TSPAN5: variants seen among roughly 807,000 people sequenced by gnomAD.
The protein encoded by TSPAN5 is tetraspanin 5, also known as tetraspanin-5.
A neutral mutation model predicts 37.1 loss-of-function variants in TSPAN5; 10 were observed. That is an observed-to-expected ratio of 0.27 (90% CI 0.17 to 0.46). The LOEUF is 0.46. Ranked by LOEUF, TSPAN5 falls within the 20% of genes least tolerant of loss-of-function variation. TSPAN5 has a pLI of 1.00. For synonymous variants in TSPAN5, 110 were observed against 118.9 expected (o/e 0.93, Z 0.48); for missense variants, 195 against 326.6 (o/e 0.60, Z 3.11).
intron 1 of TSPAN5, among the ~76,000 whole-genome samples, chr4:98,532,631 CAG>C (rs1388901764): frequency 6.9e-5 from 10 of 145,138 alleles, no homozygotes; most frequent in African/African-American, 2.6e-4. Context: ...CATCTGAAAA[CAG>C]GGACAATTTG....
intron 1 of TSPAN5, among the ~76,000 whole-genome samples, chr4:98,576,840 A>G (rs1459252775): frequency 4.6e-5 from 7 of 152,038 alleles, no homozygotes; most frequent in African/African-American, 1.7e-4. Context: ...GCTCACTGCA[A>G]CCTCCACCTC....
chr4:98,542,554 C>A (rs1327509593), intron 1 of TSPAN5, among the ~76,000 whole-genome samples: 2 of 151,840 alleles, frequency 1.3e-5, no homozygotes, highest in East Asian at 3.9e-4. Flanking sequence ...CCATTCTCTA[C>A]AAAAAGACTT....
intron 1 of TSPAN5, among the ~76,000 whole-genome samples, chr4:98,531,875 T>C (rs184656999): frequency 1.3e-5 from 2 of 152,382 alleles, no homozygotes; most frequent in East Asian, 3.9e-4. Context: ...GAGAAGTGTC[T>C]GTTCATATCC....
intron 2 of TSPAN5, among the ~76,000 whole-genome samples, chr4:98,493,815 T>C (rs939212109): frequency 6.6e-6 from 1 of 152,118 alleles, no homozygotes; most frequent in African/African-American, 2.4e-5. Context: ...AAAAAACAAA[T>C]TGACCATAAC....
chr4:98,626,888 T>G (rs941606504), intron 1 of TSPAN5, among the ~76,000 whole-genome samples: 168 of 140,684 alleles, frequency 1.2e-3, no homozygotes, highest in African/African-American at 4.7e-3. Context: ...GAGAGCAGGT[T>G]TTTTTTTTTT....
chr4:98,650,989 G>T (rs1239738235), intron 1 of TSPAN5, among the ~76,000 whole-genome samples: 3 of 152,172 alleles, frequency 2.0e-5, no homozygotes, highest in African/African-American at 7.2e-5. Context: ...ATAAATAACA[G>T]ATTGAAAATT....
At position 98,588,521 on chromosome 4, in the gene TSPAN5, T is replaced by A. The variant is rs553717690; in HGVS notation, c.81+69625A>T. On this transcript the variant is annotated intron_variant, in intron 1 of 7. Coordinates refer to ENST00000305798, the MANE Select transcript of TSPAN5 (RefSeq NM_005723.4). ...CATCTTTTGCTTTGAATATATTTAA[T>A]ATAATTTATTCTCTCTTCCCATAGG... 2.0e-5 allele frequency among the ~76,000 whole-genome samples: 3 copies of A among 152,336 alleles called. No individual in the cohort carries two copies. The South Asian group carries it at 6.2e-4, about 32-fold the overall frequency.
intron 1 of TSPAN5, among the ~76,000 whole-genome samples, chr4:98,641,592 T>C (rs1397499758): frequency 2.0e-5 from 3 of 152,194 alleles, no homozygotes; most frequent in Non-Finnish European, 4.4e-5. Flanking sequence ...CAAAACCATT[T>C]AGTGGAACCA....
intron 1 of TSPAN5, among the ~76,000 whole-genome samples, chr4:98,627,942 G>A (rs181058574): frequency 6.6e-6 from 1 of 152,222 alleles, no homozygotes; most frequent in African/African-American, 2.4e-5. Context: ...GAAACTGGAA[G>A]TTACAGGCAA....
At chr4:98,601,579 CAGTT>C (rs1435645302) in intron 1 of TSPAN5, among the ~76,000 whole-genome samples, 9 of 152,182 alleles carry the variant, frequency 5.9e-5, no homozygotes, top group Admixed American at 5.2e-4. Context: ...GAATTGAAGA[CAGTT>C]AGAGCCTTGC....
chr4:98,646,964 C>T (rs971792323), intron 1 of TSPAN5, among the ~76,000 whole-genome samples: 3 of 152,118 alleles, frequency 2.0e-5, no homozygotes, highest in Non-Finnish European at 4.4e-5. Flanking sequence ...TACTACTAAA[C>T]GTGCCATTTT....
chr4:98,489,630 C>T (rs1006477128), intron 2 of TSPAN5, among the ~76,000 whole-genome samples: 5 of 152,224 alleles, frequency 3.3e-5, no homozygotes, highest in African/African-American at 1.2e-4. Context: ...ACTTCCACCC[C>T]TCCGGATCCG....
intron 1 of TSPAN5, among the ~76,000 whole-genome samples, chr4:98,528,414 AT>A (rs10680446): frequency 0.39 from 55,912 of 143,562 alleles, 10,687 homozygotes; most frequent in South Asian, 0.52. Flanking sequence ...GTAACAGATG[AT>A]TTTTTTTTTT....
rs1752580405 is a variant in TSPAN5 at position 98,471,412 on chromosome 4, T to C, written c.*1110A>G. On this transcript the variant is annotated 3_prime_UTR_variant, in exon 8 of 8. Coordinates refer to ENST00000305798, the MANE Select transcript of TSPAN5 (RefSeq NM_005723.4). ...GCATTTGGATGGTACAGCTGGTCTC[T>C]TCCCAGCCAGACTGGGAGGACATGC... 1.3e-5 allele frequency: 2 copies of C among 152,164 alleles called. No homozygotes were observed. Among genetic ancestry groups the C allele is most frequent in the Non-Finnish European group, 2.9e-5 (2 of 68,052 alleles). The allele number at this position is 152,164 out of a possible 1,614,324, so 9.4% of individuals were successfully genotyped here. A position where few individuals can be genotyped will look rare whatever the true frequency, so the allele number is the denominator to read the frequency against.
chr4:98,623,718 T>C lies in TSPAN5; in HGVS notation c.81+34428A>G, dbSNP rs569680619. ...GCTCAGGCCGGTGGCCTTTTTGAGA[T>C]ACAACCCATCCCTTACTCCTTTGGT... On this transcript the variant is annotated intron_variant, in intron 1 of 7. Transcript: ENST00000305798. 1.3e-4 allele frequency among the ~76,000 whole-genome samples: 20 copies of C among 152,304 alleles called. 1 individual carries two copies. Among genetic ancestry groups the C allele is most frequent in the Admixed American group, 1.2e-3 (18 of 15,302 alleles).
chr4:98,565,662 G>A (rs1334116345), intron 1 of TSPAN5, among the ~76,000 whole-genome samples: 1 of 152,142 alleles, frequency 6.6e-6, no homozygotes, highest in Non-Finnish European at 1.5e-5. Context: ...ATATATACTT[G>A]TTATGGGGAC....
At chr4:98,656,001 C>T (rs1312914709) in intron 1 of TSPAN5, among the ~76,000 whole-genome samples, 1 of 152,152 alleles carries the variant, frequency 6.6e-6, no homozygotes, top group Non-Finnish European at 1.5e-5. Context: ...AAGGAAGGCA[C>T]TCACTTAACA....
intron 1 of TSPAN5, among the ~76,000 whole-genome samples, chr4:98,598,382 G>C (rs1755802095): frequency 6.7e-6 from 1 of 150,358 alleles, no homozygotes; most frequent in African/African-American, 2.5e-5. Context: ...TGGAAATGCA[G>C]AAATCACCCG....
intron 1 of TSPAN5, among the ~76,000 whole-genome samples, chr4:98,523,190 T>C (rs944777993): frequency 7.2e-5 from 11 of 152,208 alleles, no homozygotes; most frequent in Non-Finnish European, 1.5e-4. Flanking sequence ...GTGTGTGCAC[T>C]CTGGAATTTT....
Sources: gnomAD v4.1 joint callset for allele counts (sites outside exome capture counted in the v4.1 genomes callset) on GRCh38, gnomAD v4.1.1 for gene constraint, MANE v1.5 for transcripts, NCBI Gene and HGNC (gene_info 2026-07-23, HGNC 2026-07-21) for gene names.